The following ZBTB41 variants were observed in gnomAD, a reference collection of about 807,000 sequenced individuals.
The protein encoded by ZBTB41 is zinc finger and BTB domain-containing protein 41.
ZBTB41 carries 42 observed loss-of-function variants against 87.6 expected under a neutral mutation model. The ratio of observed to expected loss-of-function variants is 0.48; its 90% CI spans 0.37 to 0.62. The LOEUF (loss-of-function observed/expected upper bound fraction) is 0.62, where lower values mean the gene tolerates loss of function less well. ZBTB41 is among the 20% of genes least tolerant of loss of function. ZBTB41 has a pLI of 0.00. For missense variants in ZBTB41, 799 were observed against 1,078.9 expected (o/e 0.74, Z 3.63); for synonymous variants, 364 against 364.0 (o/e 1.00, Z 0.00).
At chr1:197,198,906 A>G (rs771675239) in intron 2 of ZBTB41, among the ~76,000 whole-genome samples, 1 of 152,166 alleles carries the variant, frequency 6.6e-6, no homozygotes, top group Non-Finnish European at 1.5e-5. Context: ...TTTCTATTAA[A>G]TAGTGCTAGA....
Position 197,200,038 on chromosome 1 carries a change from A to C in ZBTB41, c.436T>G (p.Ser146Ala). ...TCATATTTGTACACAAAAAATTCTG[A>C]TGTGTAAAGAAATTCAAGCAAATGC... ...FQHLLEFLYT[S>A]EFFVYKYEIP... Residue 146 changes from serine (S) to alanine (A), a missense_variant, in exon 2 of 11, where the codon TCA becomes GCA. By Grantham distance (99) the Ser-to-Ala change is moderately conservative. Coordinates refer to ENST00000367405, the MANE Select transcript of ZBTB41 (RefSeq NM_194314.3). 6.2e-7 allele frequency: 1 copy of C among 1,612,972 alleles called. No individual in the cohort carries two copies. Among genetic ancestry groups the C allele is most frequent in the Non-Finnish European group, 8.5e-7 (1 of 1,179,762 alleles).
intron 2 of ZBTB41, among the ~76,000 whole-genome samples, chr1:197,194,124 T>G (rs1359209001): frequency 5.3e-5 from 8 of 152,102 alleles, no homozygotes; most frequent in African/African-American, 9.7e-5. Context: ...GTTCAAGCGA[T>G]TCTCCTGACT....
chr1:197,175,168 T>C lies in ZBTB41; in HGVS notation c.1880-53A>G, dbSNP rs143001112. 1,756 of 1,476,156 alleles carry C rather than the reference T, an allele frequency of 1.2e-3. 18 individuals are homozygous for C. In the African/African-American group the frequency reaches 0.022, roughly 19 times the overall value. 91.4% of individuals were successfully genotyped at this position (1,476,156 alleles called of 1,614,324 possible). A position where few individuals can be genotyped will look rare whatever the true frequency, so the allele number is the denominator to read the frequency against. ...TTATAATATACATCTCAGGTTTTTA[T>C]CCCCAGAAACAAACTATCAAACAGT... On this transcript the variant is annotated intron_variant, in intron 8 of 10. Coordinates refer to ENST00000367405, the MANE Select transcript of ZBTB41 (RefSeq NM_194314.3).
At chr1:197,191,446 A>T (rs1303604287) in intron 3 of ZBTB41, among the ~76,000 whole-genome samples, 1 of 132,380 alleles carries the variant, frequency 7.6e-6, no homozygotes, top group African/African-American at 2.7e-5. Context: ...GACACAGTGA[A>T]GCCCTACTTC....
chr1:197,161,637 T>C (rs1311126191), intron 10 of ZBTB41, among the ~76,000 whole-genome samples: 1 of 151,982 alleles, frequency 6.6e-6, no homozygotes, highest in Non-Finnish European at 1.5e-5. Flanking sequence ...ATAATTAACT[T>C]TTCAGAAAAA....
At position 197,178,420 on chromosome 1, in the gene ZBTB41, T is replaced by C; in HGVS notation, c.1769A>G (p.Tyr590Cys). ...CGQSFRHGSS[Y>C]RLHLRVHHDD... is the part of the protein sequence containing the mutation. ...GGGAAAAAATGGTTTTACTTACCTA[T>C]ACGAACTTCCATGACGAAAACTTTG... is the stretch of plus-strand genomic sequence containing the variant. The change falls in exon 7 of 11, where the codon TAT becomes TGT. Residue 590 changes from tyrosine to cysteine, a missense_variant. By Grantham distance (194) the Tyr-to-Cys change is radical. This residue lies in a region of ZBTB41 where 198 missense variants were observed against 358.4 expected (regional missense o/e 0.55). Transcript: ENST00000367405. 1 of 1,605,514 alleles carries C rather than the reference T, an allele frequency of 6.2e-7. No individual in the cohort carries two copies. The highest frequency in any genetic ancestry group is 8.5e-7 in the Non-Finnish European group (1 of 1,175,674).
At chr1:197,187,089 A>C (rs1453045073) in intron 5 of ZBTB41, among the ~76,000 whole-genome samples, 2 of 152,310 alleles carry the variant, frequency 1.3e-5, no homozygotes, top group East Asian at 3.9e-4. Flanking sequence ...ATGAAGTGAC[A>C]GACATTCTCA....
In ZBTB41 at chr1:197,156,471, T is replaced by C. The variant is rs189787935; in HGVS notation, c.*2888A>G. The C allele has an allele frequency of 3.3e-5, 5 of 152,372 alleles. No homozygotes were observed. The highest frequency in any genetic ancestry group is 9.6e-5 in the African/African-American group (4 of 41,550). 9.4% of individuals were successfully genotyped at this position (152,372 alleles called of 1,614,324 possible). A position where few individuals can be genotyped will look rare whatever the true frequency, so the allele number is the denominator to read the frequency against. On this transcript the variant is annotated 3_prime_UTR_variant, in exon 11 of 11. Coordinates refer to ENST00000367405, the MANE Select transcript of ZBTB41 (RefSeq NM_194314.3). ...GCTCACAAAATAAAAAAATTCTGAATGAGGCTAAACTTAGTTGCAAGATTC... is the reference window on the plus strand; with the variant it reads ...GCTCACAAAATAAAAAAATTCTGAACGAGGCTAAACTTAGTTGCAAGATTC...
At chr1:197,171,952 T>C (rs1233262622) in intron 10 of ZBTB41, among the ~76,000 whole-genome samples, 3 of 151,806 alleles carry the variant, frequency 2.0e-5, no homozygotes, top group Admixed American at 1.3e-4. Flanking sequence ...TTTAAAAGTA[T>C]TGAAGCTTAC....
intron 2 of ZBTB41, among the ~76,000 whole-genome samples, chr1:197,198,179 G>A (rs934321262): frequency 1.3e-5 from 2 of 152,120 alleles, no homozygotes; most frequent in Non-Finnish European, 2.9e-5. Context: ...TCTTGGAATT[G>A]TTACTGAAGA....
intron 5 of ZBTB41, among the ~76,000 whole-genome samples, chr1:197,185,481 G>A (rs1424299416): frequency 6.6e-6 from 1 of 151,540 alleles, no homozygotes; most frequent in Non-Finnish European, 1.5e-5. Context: ...TCTACTCCTT[G>A]AAAAATTATC....
At chr1:197,176,698 T>G (rs1315029332) in intron 7 of ZBTB41, 28 bp from the exon 8 acceptor site, 1 of 1,485,176 alleles carries the variant, frequency 6.7e-7, no homozygotes, top group Non-Finnish European at 9.4e-7. Flanking sequence ...TTGAACACCA[T>G]TAAAACTGGT....
chr1:197,161,174 G>C (rs1659191307), intron 10 of ZBTB41, among the ~76,000 whole-genome samples: 1 of 152,076 alleles, frequency 6.6e-6, no homozygotes, highest in Non-Finnish European at 1.5e-5. Context: ...CTGACCTAAA[G>C]AACTATACGG....
In ZBTB41 at chr1:197,159,835, G is replaced by C. The variant is rs771509356; in HGVS notation, c.2254C>G (p.Pro752Ala). The C allele has an allele frequency of 6.2e-7, 1 of 1,613,968 alleles. No individual in the cohort carries two copies. The highest frequency in any genetic ancestry group is 1.1e-5 in the South Asian group (1 of 91,076). ...HIDHVHEIKS[P>A]DDPLSTSEEK... ...TCAGAAGTACTGAGAGGATCATCAGGAGATTTTATTTCATGAACATGGTCA... is the reference window on the plus strand; with the variant it reads ...TCAGAAGTACTGAGAGGATCATCAGCAGATTTTATTTCATGAACATGGTCA... Residue 752 changes from proline (P) to alanine (A), a missense_variant, in exon 11 of 11, where the codon CCT becomes GCT. This residue lies in a region of ZBTB41 where 171 missense variants were observed against 191.9 expected (regional missense o/e 0.89). Transcript: ENST00000367405.
chr1:197,171,907 C>G (rs768176051), intron 10 of ZBTB41, among the ~76,000 whole-genome samples: 1 of 151,688 alleles, frequency 6.6e-6, no homozygotes, highest in Non-Finnish European at 1.5e-5. Context: ...GAGTAAATAT[C>G]TTATGGAAAA....
chr1:197,168,618 T>C (rs529101868), intron 10 of ZBTB41, among the ~76,000 whole-genome samples: 1 of 152,124 alleles, frequency 6.6e-6, no homozygotes, highest in Admixed American at 6.5e-5. Flanking sequence ...AAACAAATTA[T>C]AGAAAGTTCA....
At chr1:197,191,599 T>G in intron 3 of ZBTB41, 93 bp downstream of exon 3, 1 of 979,282 alleles carries the variant, frequency 1.0e-6, no homozygotes, top group Non-Finnish European at 1.4e-6. Flanking sequence ...ATGAAAGAAT[T>G]GGAGATAAGC....
rs757793332 is a variant in ZBTB41 at position 197,191,806 on chromosome 1, G to T, written c.1214C>A (p.Thr405Asn). ...HQRYSTKSNL[T>N]VHRKKHSNET... ...ATTACTGTGCTTCTTTCTGTGAACA[G>T]TTAGGTTAGACTTTGTTGAATAGCG... The change falls in exon 3 of 11, where the codon ACT becomes AAT. Residue 405 changes from threonine to asparagine, a missense_variant. Physicochemically the swap from Thr to Asn is moderately conservative, Grantham distance 65. Around this residue, in one of 5 missense-constraint regions of ZBTB41, gnomAD observed 294 missense variants for 340.1 expected, o/e 0.86. Transcript: ENST00000367405. The T allele has an allele frequency of 6.2e-7, 1 of 1,613,726 alleles. No homozygotes were observed. The highest frequency in any genetic ancestry group is 8.5e-7 in the Non-Finnish European group (1 of 1,179,902).
chr1:197,200,538 T>C lies in ZBTB41; in HGVS notation c.-65A>G. ...TCTTAAGTGATTTATAAAGGAAAAC[T>C]AGATTGTCTTGGATAACAGCTTCTG... On this transcript the variant is annotated 5_prime_UTR_variant, in exon 2 of 11. An upstream open reading frame in the 5' UTR loses its in-frame stop. Transcript: ENST00000367405. 4.8e-6 allele frequency: 7 copies of C among 1,466,598 alleles called. No homozygotes were observed. Among genetic ancestry groups the C allele is most frequent in the Non-Finnish European group, 6.3e-6 (7 of 1,103,488 alleles). 90.8% of individuals were successfully genotyped at this position (1,466,598 alleles called of 1,614,324 possible).
Sources: allele counts gnomAD v4.1 joint callset (sites outside exome capture counted in the v4.1 genomes callset), GRCh38; gene constraint gnomAD v4.1.1; regional missense constraint gnomAD v4.1.1; transcripts MANE v1.5; gene names NCBI Gene and HGNC (gene_info 2026-07-23, HGNC 2026-07-21).